The following BBS9 variants were observed in gnomAD, a reference collection of about 807,000 sequenced individuals.
BBS9 encodes the protein Bardet-Biedl syndrome 9, also known as protein PTHB1.
BBS9 carries 89 observed loss-of-function variants against 117.7 expected under a neutral mutation model. The observed-to-expected ratio is 0.76, with a 90% CI of 0.64 to 0.90. The LOEUF (loss-of-function observed/expected upper bound fraction) is 0.90. BBS9 is among the 40% of genes least tolerant of loss of function. BBS9 has a pLI of 0.00. For missense variants in BBS9, 982 were observed against 1,042.2 expected (o/e 0.94, Z 0.80); for synonymous variants, 379 against 370.9 (o/e 1.02, Z -0.25).
intron 9 of BBS9, among the ~76,000 whole-genome samples, chr7:33,322,837 T>A (rs1812025576): frequency 6.6e-6 from 1 of 152,268 alleles, no homozygotes; most frequent in South Asian, 2.1e-4. Flanking sequence ...GTTGTTTATT[T>A]GAAGTTTTTC....
chr7:33,210,188 AT>A (rs140265681), intron 5 of BBS9, among the ~76,000 whole-genome samples: 40,687 of 152,078 alleles, frequency 0.27, 6,145 homozygotes, highest in Admixed American at 0.41. Context: ...ATTTCCATGT[AT>A]TTGTATAGTT....
chr7:33,352,936 G>A (rs910225728), intron 15 of BBS9, 63 bp downstream of exon 15: 16 of 1,520,378 alleles, frequency 1.1e-5, no homozygotes, highest in Non-Finnish European at 1.5e-5. Context: ...GAATTGAATT[G>A]GTATTATACC....
chr7:33,359,113 T>G (rs1469207118), intron 16 of BBS9, among the ~76,000 whole-genome samples: 2 of 151,918 alleles, frequency 1.3e-5, no homozygotes, highest in Non-Finnish European at 2.9e-5. Context: ...TAGTCAGTTT[T>G]CTTGTAACAA....
chr7:33,527,327 G>T (rs1324063468), intron 20 of BBS9, among the ~76,000 whole-genome samples: 1 of 152,150 alleles, frequency 6.6e-6, no homozygotes, highest in Non-Finnish European at 1.5e-5. Context: ...CTGGGCAATG[G>T]TGGGCGCCCC....
At chr7:33,455,479 A>C (rs914306144) in intron 19 of BBS9, among the ~76,000 whole-genome samples, 5 of 152,320 alleles carry the variant, frequency 3.3e-5, no homozygotes, top group Non-Finnish European at 5.9e-5. Flanking sequence ...GAAATTCTTG[A>C]CAAGTTATCC....
At chr7:33,257,127 A>T in intron 5 of BBS9, 109 bp from the exon 6 acceptor site, 1 of 709,968 alleles carries the variant, frequency 1.4e-6, no homozygotes, top group Non-Finnish European at 2.2e-6. Flanking sequence ...TAATGCTATG[A>T]TTTATGTAAA....
chr7:33,389,163 T>C (rs1170580089), intron 19 of BBS9, among the ~76,000 whole-genome samples: 1 of 152,190 alleles, frequency 6.6e-6, no homozygotes, highest in African/African-American at 2.4e-5. Context: ...TTAAGTTGTA[T>C]ACAATTTTAT....
intron 20 of BBS9, among the ~76,000 whole-genome samples, chr7:33,532,180 G>C (rs1400200950): frequency 6.6e-6 from 1 of 152,232 alleles, no homozygotes; most frequent in Non-Finnish European, 1.5e-5. Flanking sequence ...CATTAAATGG[G>C]AGTTGGCCAG....
intron 19 of BBS9, among the ~76,000 whole-genome samples, chr7:33,406,661 C>T (rs1299091659): frequency 6.6e-6 from 1 of 151,970 alleles, no homozygotes; most frequent in Non-Finnish European, 1.5e-5. Context: ...ATTTGTTTGT[C>T]TGTAAAGTAT....
chr7:33,141,122 C>T (rs908391731), intron 1 of BBS9, among the ~76,000 whole-genome samples: 4 of 152,026 alleles, frequency 2.6e-5, no homozygotes, highest in Non-Finnish European at 5.9e-5. Flanking sequence ...AGTGCTGTGT[C>T]TTGATCAAAG....
chr7:33,329,048 T>G (rs10256994), intron 9 of BBS9, among the ~76,000 whole-genome samples: 55,561 of 150,774 alleles, frequency 0.37, 10,774 homozygotes, highest in Admixed American at 0.48. Flanking sequence ...GAAACGGAGT[T>G]TCGCTCTTGT....
chr7:33,305,848 A>C (rs1807809635), intron 9 of BBS9, among the ~76,000 whole-genome samples: 2 of 151,986 alleles, frequency 1.3e-5, no homozygotes, highest in African/African-American at 2.4e-5. Flanking sequence ...TTTCAAAAAA[A>C]CCAGCTTTTC....
At chr7:33,321,369 A>G (rs1445890598) in intron 9 of BBS9, among the ~76,000 whole-genome samples, 2 of 152,028 alleles carry the variant, frequency 1.3e-5, no homozygotes, top group African/African-American at 2.4e-5. Context: ...ATGAACATGG[A>G]ATATCTTTCC....
intron 19 of BBS9, among the ~76,000 whole-genome samples, chr7:33,403,445 C>T (rs1420460522): frequency 1.4e-5 from 2 of 146,768 alleles, no homozygotes; most frequent in Non-Finnish European, 3.0e-5. Flanking sequence ...AGTTATGTCT[C>T]CTAATGCTAT....
chr7:33,542,743 G>A (rs1231440008), intron 21 of BBS9, among the ~76,000 whole-genome samples: 2 of 145,246 alleles, frequency 1.4e-5, no homozygotes, highest in African/African-American at 5.2e-5. Context: ...ATATGTGTGT[G>A]TATATATATA....
At chr7:33,140,384 T>G (rs61007212) in intron 1 of BBS9, among the ~76,000 whole-genome samples, 30,023 of 152,098 alleles carry the variant, frequency 0.2, 3,133 homozygotes, top group Non-Finnish European at 0.23. Context: ...GTGTCTGGTT[T>G]TCTTCAGATA....
intron 21 of BBS9, 79 bp downstream of exon 21, chr7:33,534,255 G>A (rs1312890389): frequency 5.9e-5 from 86 of 1,453,854 alleles, no homozygotes; most frequent in Non-Finnish European, 7.9e-5. Context: ...TTGTATTTGG[G>A]GTTTAAATTT....
chr7:33,284,586 A>G (rs978791632), intron 9 of BBS9, among the ~76,000 whole-genome samples: 2 of 152,226 alleles, frequency 1.3e-5, no homozygotes, highest in African/African-American at 4.8e-5. Flanking sequence ...GCTGCTGAAG[A>G]AAGGTTTCCT....
chr7:33,222,448 G>T (rs969204423), intron 5 of BBS9, among the ~76,000 whole-genome samples: 1 of 152,112 alleles, frequency 6.6e-6, no homozygotes, highest in South Asian at 2.1e-4. Flanking sequence ...GGAAGAAGAT[G>T]CTTCATCACC....
Sources: allele counts gnomAD v4.1 joint callset (sites outside exome capture counted in the v4.1 genomes callset), GRCh38; gene constraint gnomAD v4.1.1; transcripts MANE v1.5; gene names NCBI Gene and HGNC (gene_info 2026-07-23, HGNC 2026-07-21).